The following UBTD2 variants were observed in gnomAD, a reference collection of about 807,000 sequenced individuals.
The protein encoded by UBTD2 is ubiquitin domain containing 2.
Under a neutral mutation model 19.8 loss-of-function variants are expected in UBTD2, and 9 were observed. The observed-to-expected ratio is 0.46, with a 90% CI of 0.27 to 0.79. The LOEUF is 0.79. Among genes scored for constraint, UBTD2 ranks in the 30% least tolerant of loss-of-function variants. The pLI is 0.14. For missense variants in UBTD2, 250 were observed against 300.4 expected, an observed-to-expected ratio of 0.83 and a Z score of 1.24; for synonymous variants, 98 against 103.9, an observed-to-expected ratio of 0.94 and a Z score of 0.35.
intron 1 of UBTD2, among the ~76,000 whole-genome samples, chr5:172,251,321 A>AAAAAAAAAG (rs773575921): frequency 2.2e-4 from 34 of 151,766 alleles, no homozygotes; most frequent in Admixed American, 6.6e-4. Context: ...TCTCAAAAAA[A>AAAAAAAAAG]AAAAAGAAAA....
At position 172,215,552 on chromosome 5, in the gene UBTD2, A is replaced by G. The variant is rs116293073; in HGVS notation, c.308-3325T>C. ...ATATTATGTCCACCTTTCCCAAAAA[A>G]TTACAAGATGTACCAAAAGGCAAAA... On this transcript the variant is annotated intron_variant, in intron 2 of 2. Transcript: ENST00000393792. 9.5e-3 allele frequency among the ~76,000 whole-genome samples: 1,454 copies of G among 152,302 alleles called. 31 individuals are homozygous for G. The highest frequency in any genetic ancestry group is 0.033 in the African/African-American group (1,363 of 41,552).
chr5:172,275,173 T>A (rs746943788), intron 1 of UBTD2, among the ~76,000 whole-genome samples: 40 of 152,200 alleles, frequency 2.6e-4, no homozygotes, highest in Non-Finnish European at 4.8e-4. Flanking sequence ...CTTGTTCACA[T>A]GGCAGGAGGA....
At chr5:172,243,728 A>C (rs1772179152) in intron 1 of UBTD2, among the ~76,000 whole-genome samples, 1 of 151,576 alleles carries the variant, frequency 6.6e-6, no homozygotes, top group African/African-American at 2.4e-5. Flanking sequence ...ATGCCTGGCT[A>C]ATTTTTGTAT....
At chr5:172,274,243 C>T (rs899963224) in intron 1 of UBTD2, among the ~76,000 whole-genome samples, 5 of 150,696 alleles carry the variant, frequency 3.3e-5, no homozygotes, top group African/African-American at 9.8e-5. Context: ...CGGGTTCAAG[C>T]GATTCTCCTG....
intron 1 of UBTD2, among the ~76,000 whole-genome samples, chr5:172,250,250 T>C (rs1054550331): frequency 6.6e-6 from 1 of 151,934 alleles, no homozygotes; most frequent in Non-Finnish European, 1.5e-5. Context: ...TAAAATAAAA[T>C]AAAATAAATT....
intron 1 of UBTD2, among the ~76,000 whole-genome samples, chr5:172,251,452 TA>T (rs1755016438): frequency 1.0e-5 from 1 of 97,340 alleles, no homozygotes; most frequent in African/African-American, 4.2e-5. Context: ...CAAGACATTA[TA>T]ATCAAACTGT....
At chr5:172,279,130 T>C (rs1755663818) in intron 1 of UBTD2, among the ~76,000 whole-genome samples, 1 of 152,234 alleles carries the variant, frequency 6.6e-6, no homozygotes, top group African/African-American at 2.4e-5. Context: ...AAAACTAGCA[T>C]TCTTTATAGC....
chr5:172,259,318 T>TTTTTGGTAGAGACAGGGTTTCACTA (rs1755220722), intron 1 of UBTD2, among the ~76,000 whole-genome samples: 1 of 152,012 alleles, frequency 6.6e-6, no homozygotes, highest in South Asian at 2.1e-4. Flanking sequence ...AATTTTTGTA[T>TTTTTGGTAGAGACAGGGTTTCACTA]TTTTGGTAGA....
chr5:172,252,331 C>T (rs1389133671), intron 1 of UBTD2: 8 of 151,920 alleles, frequency 5.3e-5, no homozygotes, highest in Admixed American at 5.2e-4. Context: ...TTTTTTTTCC[C>T]CTCTGTGTCC....
chr5:172,212,127 T>C lies in UBTD2; in HGVS notation c.408A>G (p.Ile136Met). The C allele has an allele frequency of 6.2e-7, 1 of 1,614,252 alleles. No homozygotes were observed. Among genetic ancestry groups the C allele is most frequent in the Non-Finnish European group, 8.5e-7 (1 of 1,180,036 alleles). The change falls in exon 3 of 3, where the codon ATA becomes ATG. Residue 136 changes from isoleucine (I) to methionine (M), a missense_variant. Physicochemically the swap from Ile to Met is conservative, Grantham distance 10. Transcript: ENST00000393792. ...PINMIEEKSD[I>M]ETLDIPEPPP... ...GTGGCTCAGGAATATCCAGAGTCTCTATGTCGCTCTTTTCCTCTATCATGT... is the reference window on the plus strand; with the variant it reads ...GTGGCTCAGGAATATCCAGAGTCTCCATGTCGCTCTTTTCCTCTATCATGT...
chr5:172,237,632 T>G (rs1772038552), intron 1 of UBTD2, among the ~76,000 whole-genome samples: 1 of 152,212 alleles, frequency 6.6e-6, no homozygotes, highest in African/African-American at 2.4e-5. Context: ...CATGTTAAAC[T>G]AAATGACTAA....
chr5:172,212,379 T>G (rs981784699), intron 2 of UBTD2, 152 bp from the exon 3 acceptor site: 1 of 838,050 alleles, frequency 1.2e-6, no homozygotes, highest in African/African-American at 1.7e-5. Flanking sequence ...TCAAATCCCA[T>G]GCCCAATTAT....
intron 1 of UBTD2, among the ~76,000 whole-genome samples, chr5:172,236,353 A>G (rs1372057891): frequency 6.6e-6 from 1 of 152,250 alleles, no homozygotes; most frequent in African/African-American, 2.4e-5. Context: ...TTAATCAACA[A>G]ATATGTACTG....
chr5:172,231,752 T>C (rs773392027), intron 2 of UBTD2, among the ~76,000 whole-genome samples: 4 of 152,130 alleles, frequency 2.6e-5, no homozygotes, highest in Non-Finnish European at 4.4e-5. Context: ...ATAAAACATA[T>C]ATTTTCCTTG....
At chr5:172,214,435 AT>A (rs1317549794) in intron 2 of UBTD2, among the ~76,000 whole-genome samples, 1 of 152,204 alleles carries the variant, frequency 6.6e-6, no homozygotes, top group Non-Finnish European at 1.5e-5. Flanking sequence ...GCCTCTGTGT[AT>A]TCACTAATAC....
chr5:172,271,354 A>G (rs1331441579), intron 1 of UBTD2, among the ~76,000 whole-genome samples: 1 of 150,656 alleles, frequency 6.6e-6, no homozygotes, highest in African/African-American at 2.4e-5. Flanking sequence ...GCGTGACCCC[A>G]GGAGGCAGAT....
rs1161241293 is a variant in UBTD2, at chr5:172,249,551, A to C, written c.71-15193T>G. On this transcript the variant is annotated intron_variant, in intron 1 of 2. Transcript: ENST00000393792. ...GACACCGCAAGAAAACTACAGAGCA[A>C]TATCCCTTAAGATATACGCAAAACC... 5.3e-5 allele frequency among the ~76,000 whole-genome samples: 8 copies of C among 152,174 alleles called. 1 individual carries two copies.
In UBTD2 at chr5:172,275,710, T is replaced by C. The variant is rs1047903880; in HGVS notation, c.70+7886A>G. Among the ~76,000 whole-genome samples, 5 of 152,184 alleles carry C rather than the reference T, an allele frequency of 3.3e-5. 1 individual carries two copies. The highest frequency in any genetic ancestry group is 1.2e-4 in the African/African-American group (5 of 41,452). ...ATCCCAAAATCCACAATCATAGCCC[T>C]AAGCATCTAGGAGTTCCCTATCTAA... On this transcript the variant is annotated intron_variant, in intron 1 of 2. Transcript: ENST00000393792.
intron 1 of UBTD2, among the ~76,000 whole-genome samples, chr5:172,274,194 G>T (rs1581235118): frequency 6.9e-6 from 1 of 144,850 alleles, no homozygotes; most frequent in Non-Finnish European, 1.5e-5. Context: ...GGCTTGGAGT[G>T]CAGTGGCACA....
Sources: gnomAD v4.1 joint callset for allele counts (sites outside exome capture counted in the v4.1 genomes callset) on GRCh38, gnomAD v4.1.1 for gene constraint, MANE v1.5 for transcripts, NCBI Gene and HGNC (gene_info 2026-07-23, HGNC 2026-07-21) for gene names.